KRT8: variants seen among roughly 807,000 people sequenced by gnomAD.
The protein encoded by KRT8 is keratin, type II cytoskeletal 8.
Under a neutral mutation model 43.0 loss-of-function variants are expected in KRT8, and 24 were observed. The ratio of observed to expected loss-of-function variants is 0.56; its 90% CI spans 0.40 to 0.78. The LOEUF is 0.78. Ranked by LOEUF, KRT8 falls within the 30% of genes least tolerant of loss-of-function variation. The pLI, the probability that KRT8 is intolerant of heterozygous loss-of-function variation, is 0.00. For synonymous variants in KRT8, 214 were observed against 261.2 expected (o/e 0.82, Z 1.74); for missense variants, 492 against 638.4 (o/e 0.77, Z 2.47).
At chr12:52,898,394 C>A in intron 7 of KRT8, 67 bp downstream of exon 7, 1 of 1,374,322 alleles carries the variant, frequency 7.3e-7, no homozygotes, top group Non-Finnish European at 1.0e-6. Flanking sequence ...GCACAGCCCC[C>A]TCCCTGGAGC....
At chr12:52,929,082 A>G (rs1942042019) in intron 2 of KRT8, among the ~76,000 whole-genome samples, 1 of 151,886 alleles carries the variant, frequency 6.6e-6, no homozygotes, top group Non-Finnish European at 1.5e-5. Flanking sequence ...GGCTAAACTA[A>G]TGATCAACTC....
intron 2 of KRT8, chr12:52,926,307 T>C: frequency 9.9e-7 from 1 of 1,006,554 alleles, no homozygotes; most frequent in South Asian, 1.4e-5. Flanking sequence ...GGCTGAGGCT[T>C]AGCCTTCCCC....
Position 52,927,362 on chromosome 12 carries a change from C to A in KRT8, c.-47+22094G>T, listed in dbSNP as rs1592180477. Among the ~76,000 whole-genome samples the A allele has an allele frequency of 1.3e-5, 2 of 152,178 alleles. 1 individual carries two copies. The highest frequency in any genetic ancestry group is 4.1e-4 in the South Asian group (2 of 4,830). On this transcript the variant is annotated intron_variant, in intron 2 of 6. Transcript: ENST00000546826. Reference sequence around the variant, plus strand: ...GAGGGGCCCAGATTCAGTGACTCACCACCCTTGGGCCTCCCCTGGGGAAAG... The same window carrying A: ...GAGGGGCCCAGATTCAGTGACTCACAACCCTTGGGCCTCCCCTGGGGAAAG...
chr12:52,903,228 A>G (rs1941418776), intron 1 of KRT8, among the ~76,000 whole-genome samples: 1 of 152,060 alleles, frequency 6.6e-6, no homozygotes, highest in African/African-American at 2.4e-5. Context: ...AAGTTTGAAT[A>G]GGCAAAAACT....
At chr12:52,942,654 G>A (rs556551135) in intron 2 of KRT8, among the ~76,000 whole-genome samples, 16 of 152,138 alleles carry the variant, frequency 1.1e-4, no homozygotes, top group African/African-American at 3.9e-4. Flanking sequence ...ATGTTTTAAG[G>A]CTTCTTTGTC....
chr12:52,917,673 C>CA (rs1243835450), intron 2 of KRT8, among the ~76,000 whole-genome samples: 1 of 146,558 alleles, frequency 6.8e-6, no homozygotes, highest in East Asian at 2.0e-4. Flanking sequence ...TGTGCCATTG[C>CA]ACTCCAGCCT....
chr12:52,946,198 C>A (rs1942341503), intron 2 of KRT8, among the ~76,000 whole-genome samples: 1 of 152,136 alleles, frequency 6.6e-6, no homozygotes, highest in Non-Finnish European at 1.5e-5. Flanking sequence ...AGACAAGGAC[C>A]TGGGAATTAG....
At chr12:52,898,819 G>C (rs373365865) in exon 6 of KRT8, 3 of 1,614,014 alleles carry the variant, frequency 1.9e-6, no homozygotes, top group Non-Finnish European at 2.5e-6. Flanking sequence ...CCTCCAGCTC[G>C]GACAACTTGG....
chr12:52,907,218 G>T (rs748377778), upstream of KRT8, among the ~76,000 whole-genome samples: 4 of 152,126 alleles, frequency 2.6e-5, no homozygotes, highest in Non-Finnish European at 5.9e-5. Flanking sequence ...GTGATTGGAA[G>T]GCATGCTACC....
At chr12:52,949,681 A>C (rs1304061035) in intron 1 of KRT8, 1 of 1,059,400 alleles carries the variant, frequency 9.4e-7, no homozygotes, top group Non-Finnish European at 1.4e-6. Flanking sequence ...ATAACCACCC[A>C]ACCCCTACTC....
rs1296173091 is a variant in KRT8, at chr12:52,900,866, GCTTC to G, written c.595-187_595-184del. ...TCTCAGCCCACACACCTTCACCTCT[GCTTC>G]CTGCAACACACCCTCTTCCACCTCC... is the stretch of plus-strand genomic sequence containing the variant. On this transcript the variant is annotated intron_variant, in intron 3 of 7. Coordinates refer to ENST00000692008, the Ensembl canonical transcript of KRT8. 14 of 649,780 alleles carry G rather than the reference GCTTC, an allele frequency of 2.2e-5. No homozygotes were observed. In the Admixed American group the frequency reaches 2.4e-4, roughly 11 times the overall value. 40.3% of individuals were successfully genotyped at this position (649,780 alleles called of 1,614,324 possible). A position where few individuals can be genotyped will look rare whatever the true frequency, so the allele number is the denominator to read the frequency against.
intron 2 of KRT8, among the ~76,000 whole-genome samples, chr12:52,912,178 G>A (rs4919744): frequency 0.15 from 22,462 of 152,240 alleles, 2,421 homozygotes; most frequent in East Asian, 0.48. Flanking sequence ...CATTTTGATG[G>A]AAAGAGGAGC....
chr12:52,949,141 C>G, intron 2 of KRT8: 3 of 1,602,698 alleles, frequency 1.9e-6, no homozygotes, highest in East Asian at 2.2e-5. Context: ...TCCGCAAAGC[C>G]TGAGTCCTGT....
At chr12:52,908,623 G>T (rs938135990), upstream of KRT8, among the ~76,000 whole-genome samples, 8 of 152,196 alleles carry the variant, frequency 5.3e-5, no homozygotes, top group East Asian at 1.9e-4. Flanking sequence ...GAGACAGGAA[G>T]TAGATTAGTG....
At chr12:52,926,630 C>A (rs1018708080) in intron 2 of KRT8, among the ~76,000 whole-genome samples, 7 of 152,166 alleles carry the variant, frequency 4.6e-5, no homozygotes, top group Admixed American at 3.9e-4. Flanking sequence ...GATTGTAAAC[C>A]TGATCCACAG....
chr12:52,949,703 G>T (rs1235793206), intron 1 of KRT8: 1 of 997,180 alleles, frequency 1.0e-6, no homozygotes, highest in Admixed American at 2.0e-5. Context: ...ACCGGGAGGG[G>T]GTTGGGCATA....
intron 2 of KRT8, among the ~76,000 whole-genome samples, chr12:52,939,460 C>A (rs1226397171): frequency 6.6e-6 from 1 of 152,066 alleles, no homozygotes; most frequent in Non-Finnish European, 1.5e-5. Context: ...GCTGAGATCA[C>A]CCCTGTAATC....
chr12:52,908,986 C>T (rs978108847), upstream of KRT8, among the ~76,000 whole-genome samples: 2 of 151,890 alleles, frequency 1.3e-5, no homozygotes, highest in African/African-American at 2.4e-5. Flanking sequence ...CTCTAGCCTG[C>T]GTGGGAGACA....
At chr12:52,928,880 T>C (rs1175984986) in intron 2 of KRT8, among the ~76,000 whole-genome samples, 1 of 152,166 alleles carries the variant, frequency 6.6e-6, no homozygotes, top group African/African-American at 2.4e-5. Flanking sequence ...CACTCCAGCC[T>C]GGGCAACAAG....
Sources: allele counts gnomAD v4.1 joint callset (sites outside exome capture counted in the v4.1 genomes callset), GRCh38; gene constraint gnomAD v4.1.1; transcripts MANE v1.5; gene names NCBI Gene and HGNC (gene_info 2026-07-23, HGNC 2026-07-21).